The following DPP10 variants were observed in gnomAD, a reference collection of about 807,000 sequenced individuals.
DPP10 encodes inactive dipeptidyl peptidase 10.
In DPP10, 33 loss-of-function variants were observed where a neutral mutation model predicts 120.9. The observed-to-expected ratio is 0.27, with a 90% confidence interval of 0.21 to 0.37. DPP10 has a LOEUF of 0.37. Among genes scored for constraint, DPP10 ranks in the 10% least tolerant of loss-of-function variants. DPP10 has a pLI of 1.00. For missense variants in DPP10, 816 were observed against 942.8 expected (o/e 0.87, Z 1.76); for synonymous variants, 337 against 326.1 (o/e 1.03, Z -0.36).
intron 1 of DPP10, among the ~76,000 whole-genome samples, chr2:115,208,858 G>T (rs1166938711): frequency 6.6e-6 from 1 of 152,074 alleles, no homozygotes; most frequent in Non-Finnish European, 1.5e-5. Flanking sequence ...GTACATTTAG[G>T]AGCAAATGTA....
At chr2:114,623,786 A>T (rs1694282884) in intron 1 of DPP10, among the ~76,000 whole-genome samples, 1 of 152,126 alleles carries the variant, frequency 6.6e-6, no homozygotes, top group East Asian at 1.9e-4. Context: ...ATTGTCTAAA[A>T]ATCGCTGTTG....
At chr2:114,612,619 C>T (rs759679872) in intron 1 of DPP10, among the ~76,000 whole-genome samples, 26 of 151,998 alleles carry the variant, frequency 1.7e-4, no homozygotes, top group Non-Finnish European at 3.1e-4. Context: ...CTATTGACAG[C>T]GTATGAATGA....
chr2:115,330,962 G>A (rs1222419396), intron 2 of DPP10, among the ~76,000 whole-genome samples: 3 of 152,248 alleles, frequency 2.0e-5, no homozygotes, highest in South Asian at 4.1e-4. Flanking sequence ...ATTCTGTGAA[G>A]AAAGTCATTG....
At chr2:115,005,841 C>T (rs1019315602) in intron 1 of DPP10, among the ~76,000 whole-genome samples, 1 of 152,132 alleles carries the variant, frequency 6.6e-6, no homozygotes, top group African/African-American at 2.4e-5. Flanking sequence ...GGCAGGCCAA[C>T]ATTCAGATTC....
At chr2:115,611,450 TAC>T (rs2084092531) in intron 5 of DPP10, among the ~76,000 whole-genome samples, 1 of 152,158 alleles carries the variant, frequency 6.6e-6, no homozygotes, top group East Asian at 1.9e-4. Flanking sequence ...AGTTTTTTCT[TAC>T]CCCACACAGC....
At chr2:115,542,039 G>T (rs960370425) in intron 5 of DPP10, among the ~76,000 whole-genome samples, 1 of 151,874 alleles carries the variant, frequency 6.6e-6, no homozygotes, top group Admixed American at 6.6e-5. Context: ...ATCAAAACCA[G>T]ACAATTGACT....
intron 1 of DPP10, among the ~76,000 whole-genome samples, chr2:114,890,110 G>A (rs898093289): frequency 6.6e-6 from 1 of 152,138 alleles, no homozygotes; most frequent in Non-Finnish European, 1.5e-5. Context: ...CATGTTTAAT[G>A]TTATTTAGCA....
At chr2:115,297,279 G>A (rs965087822) in intron 1 of DPP10, 12 of 411,278 alleles carry the variant, frequency 2.9e-5, no homozygotes, top group Non-Finnish European at 4.5e-5. Flanking sequence ...GAAGATGAAA[G>A]CCTTATCTTA....
chr2:115,298,875 C>T (rs1428099256), intron 1 of DPP10, among the ~76,000 whole-genome samples: 1 of 152,018 alleles, frequency 6.6e-6, no homozygotes, highest in Non-Finnish European at 1.5e-5. Flanking sequence ...TACTAAGAAA[C>T]TCAATTTTGA....
chr2:115,568,610 T>A (rs1426255992), intron 5 of DPP10, among the ~76,000 whole-genome samples: 1 of 151,968 alleles, frequency 6.6e-6, no homozygotes, highest in East Asian at 1.9e-4. Context: ...GGTGATTTTG[T>A]CTTTTGCTCA....
intron 1 of DPP10, among the ~76,000 whole-genome samples, chr2:114,536,238 A>G (rs1283696613): frequency 6.6e-6 from 1 of 151,870 alleles, no homozygotes; most frequent in Non-Finnish European, 1.5e-5. Context: ...CTGTGAGAAT[A>G]TTGAATCTGA....
chr2:115,289,506 G>GAAAGAAAAGAA (rs70941043), intron 1 of DPP10, among the ~76,000 whole-genome samples: 2 of 114,384 alleles, frequency 1.7e-5, no homozygotes, highest in African/African-American at 3.4e-5. Flanking sequence ...AAAAAAAAAG[G>GAAAGAAAAGAA]AAGAAAAGAA....
In DPP10 at chr2:115,777,689, A is replaced by T. The variant is rs1021119507; in HGVS notation, c.1314-98A>T. The T allele has an allele frequency of 3.2e-6, 4 of 1,250,850 alleles. No homozygotes were observed. The East Asian group carries it at 9.4e-5, about 30-fold the overall frequency. 77.5% of individuals were successfully genotyped at this position (1,250,850 alleles called of 1,614,324 possible). On this transcript the variant is annotated intron_variant, in intron 14 of 25. Coordinates refer to ENST00000410059, the MANE Select transcript of DPP10 (RefSeq NM_020868.6). ...ATGTGAAAATTCAGGTGAAGATTCA[A>T]TGTGAATTCAGGATTCAATGTGACA...
At chr2:115,646,732 A>T (rs984671075) in intron 5 of DPP10, among the ~76,000 whole-genome samples, 2 of 152,190 alleles carry the variant, frequency 1.3e-5, no homozygotes, top group Non-Finnish European at 2.9e-5. Context: ...TACAAATTCT[A>T]AAAAAGTTGA....
At position 114,887,122 on chromosome 2, in the gene DPP10, T is replaced by TAGAA. The variant is rs1278446833; in HGVS notation, c.61-422117_61-422116insAGAA. Reference sequence around the variant, plus strand: ...CCCAAGGCACAGATTCCCCAGGCTCTCCCTTATTTTGCTAGAACATTTAGT... The same window carrying TAGAA: ...CCCAAGGCACAGATTCCCCAGGCTCTAGAACCCTTATTTTGCTAGAACATTTAGT... On this transcript the variant is annotated intron_variant, in intron 1 of 25. Coordinates refer to ENST00000410059, the MANE Select transcript of DPP10 (RefSeq NM_020868.6). 2.6e-5 allele frequency among the ~76,000 whole-genome samples: 4 copies of TAGAA among 152,340 alleles called. No individual in the cohort carries two copies. The East Asian group carries it at 7.7e-4, about 29-fold the overall frequency.
At chr2:115,814,555 A>C in intron 19 of DPP10, 1 of 318,148 alleles carries the variant, frequency 3.1e-6, no homozygotes, top group Admixed American at 4.8e-5. Flanking sequence ...TTCTACTGCA[A>C]TGTTAACTCA....
At chr2:114,862,935 G>T (rs945446609) in intron 1 of DPP10, among the ~76,000 whole-genome samples, 1 of 148,800 alleles carries the variant, frequency 6.7e-6, no homozygotes, top group Non-Finnish European at 1.5e-5. Context: ...TTATTTTATG[G>T]ATTTATTGTG....
intron 5 of DPP10, among the ~76,000 whole-genome samples, chr2:115,641,077 G>A (rs1306363475): frequency 6.6e-6 from 1 of 152,058 alleles, no homozygotes; most frequent in Non-Finnish European, 1.5e-5. Flanking sequence ...ATACAGGAAA[G>A]TACTCCTGCA....
chr2:114,871,790 G>A (rs1454570464), intron 1 of DPP10, among the ~76,000 whole-genome samples: 1 of 152,156 alleles, frequency 6.6e-6, no homozygotes, highest in Non-Finnish European at 1.5e-5. Context: ...AGTAAGAGGT[G>A]AGTGGTGAAC....
Sources: gnomAD v4.1 joint callset for allele counts (sites outside exome capture counted in the v4.1 genomes callset) on GRCh38, gnomAD v4.1.1 for gene constraint, MANE v1.5 for transcripts, NCBI Gene and HGNC (gene_info 2026-07-23, HGNC 2026-07-21) for gene names.